The following ACSS2 variants were observed in gnomAD, a reference collection of about 807,000 sequenced individuals.
The protein encoded by ACSS2 is acetyl-coenzyme A synthetase, cytoplasmic.
Under a neutral mutation model 90.6 loss-of-function variants are expected in ACSS2, and 58 were observed. That is an observed-to-expected ratio of 0.64 (90% CI 0.52 to 0.80). The LOEUF (loss-of-function observed/expected upper bound fraction) is 0.80. Among genes scored for constraint, ACSS2 ranks in the 30% least tolerant of loss-of-function variants. The pLI is 0.00. For synonymous variants in ACSS2, 300 were observed against 330.9 expected, an observed-to-expected ratio of 0.91 and a Z score of 1.01; for missense variants, 759 against 912.0, an observed-to-expected ratio of 0.83 and a Z score of 2.16.
At chr20:34,913,944 C>A in intron 5 of ACSS2, 119 bp downstream of exon 5, 1 of 1,361,068 alleles carries the variant, frequency 7.3e-7, no homozygotes. Flanking sequence ...TGCCTTTTCT[C>A]TCCTGGTCCC....
chr20:34,921,824 T>C lies in ACSS2; in HGVS notation c.1506T>C (p.Asn502=). The stretch of plus-strand genomic sequence containing the variant: ...TTGGTGTAGCTCCTGCAATCCTGAA[T>C]GAGTCCGGGGAAGAGTTGGAAGGTG... The part of the protein sequence containing the change: ...PFFGVAPAIL[N]ESGEELEGEA... Residue 502 remains asparagine, a synonymous_variant, in exon 13 of 18, where the codon AAT becomes AAC. Coordinates refer to ENST00000360596, the MANE Select transcript of ACSS2 (RefSeq NM_018677.4). The C allele has an allele frequency of 6.2e-7, 1 of 1,614,144 alleles. No individual in the cohort carries two copies. Among genetic ancestry groups the C allele is most frequent in the South Asian group, 1.1e-5 (1 of 91,078 alleles).
intron 11 of ACSS2, 40 bp from the exon 12 acceptor site, chr20:34,921,504 G>A (rs1248291114): frequency 6.2e-7 from 1 of 1,614,056 alleles, no homozygotes; most frequent in Admixed American, 1.7e-5. Flanking sequence ...GGGACAATGT[G>A]GGAAGATTGA....
intron 1 of ACSS2, among the ~76,000 whole-genome samples, chr20:34,878,006 T>C (rs2146954523): frequency 6.6e-6 from 1 of 152,212 alleles, no homozygotes; most frequent in Admixed American, 6.5e-5. Flanking sequence ...CGTTCTAGGC[T>C]CACTATAGCC....
intron 1 of ACSS2, among the ~76,000 whole-genome samples, chr20:34,878,566 A>G (rs967003348): frequency 3.3e-5 from 5 of 152,242 alleles, no homozygotes; most frequent in Middle Eastern, 3.2e-3. Context: ...AAGTAATGCA[A>G]GACAGGATTC....
intron 6 of ACSS2, 71 bp from the exon 7 acceptor site, chr20:34,914,252 G>A: frequency 6.2e-7 from 1 of 1,602,076 alleles, no homozygotes; most frequent in Non-Finnish European, 8.5e-7. Flanking sequence ...ACCCTAAATG[G>A]ACATGGGTGG....
At chr20:34,898,623 G>C (rs1183322788) in intron 2 of ACSS2, among the ~76,000 whole-genome samples, 1 of 152,218 alleles carries the variant, frequency 6.6e-6, no homozygotes, top group African/African-American at 2.4e-5. Flanking sequence ...GTGTCCATTG[G>C]TGCATTCACA....
upstream of ACSS2, chr20:34,876,063 T>C (rs970766481): frequency 1.4e-4 from 22 of 152,936 alleles, no homozygotes; most frequent in African/African-American, 5.3e-4. Context: ...TGGAAGGAAC[T>C]GGTGATAGTC....
At chr20:34,883,013 G>C in intron 2 of ACSS2, 24 bp downstream of exon 2, 1 of 1,563,278 alleles carries the variant, frequency 6.4e-7, no homozygotes, top group South Asian at 1.2e-5. Context: ...TCTTATACTT[G>C]GTGGCAGATA....
At chr20:34,900,556 A>G (rs1260392960) in intron 2 of ACSS2, among the ~76,000 whole-genome samples, 1 of 152,124 alleles carries the variant, frequency 6.6e-6, no homozygotes, top group East Asian at 1.9e-4. Flanking sequence ...GAGAAATTTC[A>G]TAAATAGTCC....
chr20:34,886,849 T>C (rs943058711), intron 2 of ACSS2, among the ~76,000 whole-genome samples: 1 of 152,336 alleles, frequency 6.6e-6, no homozygotes, highest in East Asian at 1.9e-4. Context: ...ATACTTCTTA[T>C]AGAAACACAT....
At chr20:34,881,719 A>C (rs2080075666) in intron 1 of ACSS2, among the ~76,000 whole-genome samples, 1 of 152,138 alleles carries the variant, frequency 6.6e-6, no homozygotes, top group Non-Finnish European at 1.5e-5. Context: ...TTAGATCTTG[A>C]CTTAGTAATT....
intron 9 of ACSS2, 41 bp from the exon 10 acceptor site, chr20:34,920,965 C>A (rs754830494): frequency 1.9e-6 from 3 of 1,612,756 alleles, no homozygotes; most frequent in East Asian, 4.5e-5. Context: ...AATAGAAGGA[C>A]TATTAGGAAA....
chr20:34,895,264 C>G (rs2080435835), intron 2 of ACSS2, among the ~76,000 whole-genome samples: 1 of 151,892 alleles, frequency 6.6e-6, no homozygotes, highest in Non-Finnish European at 1.5e-5. Flanking sequence ...TAGGTTATAC[C>G]TCTTTCAAAA....
intron 12 of ACSS2, 59 bp downstream of exon 12, chr20:34,921,659 T>A (rs370203711): frequency 1.1e-5 from 17 of 1,613,186 alleles, no homozygotes; most frequent in Non-Finnish European, 1.4e-5. Context: ...TTGGGGCACT[T>A]GGCCTAGTTA....
intron 2 of ACSS2, among the ~76,000 whole-genome samples, chr20:34,888,370 TA>T (rs199693367): frequency 1.7e-3 from 262 of 151,276 alleles, no homozygotes; most frequent in African/African-American, 6.1e-3. Context: ...TTGAATAGGA[TA>T]AAAAAAAACA....
rs1159351175 is a variant in ACSS2, at chr20:34,914,104, T to C, written c.652T>C (p.Tyr218His). Reference protein sequence around the residue: ...CSLLITTDAFYRGEKLVNLKE... With the variant: ...CSLLITTDAFHRGEKLVNLKE... ...TCTGTTGCTCCCCAAAGATGCCTTC[T>C]ACAGGGGGGAAAAGCTTGTGAACCT... Residue 218 changes from tyrosine (Y) to histidine (H), a missense_variant, in exon 6 of 18, where the codon TAC (tyrosine) becomes CAC (histidine). Physicochemically the swap from Tyr to His is moderately conservative, Grantham distance 83 (BLOSUM62 2). Coordinates refer to ENST00000360596, the MANE Select transcript of ACSS2 (RefSeq NM_018677.4). 35 of 1,614,056 alleles carry C rather than the reference T, an allele frequency of 2.2e-5. No individual in the cohort carries two copies. The highest frequency in any genetic ancestry group is 3.0e-5 in the Non-Finnish European group (35 of 1,180,018).
At chr20:34,916,103 A>G (rs543134913) in intron 7 of ACSS2, among the ~76,000 whole-genome samples, 20 of 152,352 alleles carry the variant, frequency 1.3e-4, no homozygotes, top group Middle Eastern at 6.8e-3. Flanking sequence ...AATGGTAGAT[A>G]TAAGCCCCTT....
chr20:34,890,527 A>G (rs2080308822), intron 2 of ACSS2, among the ~76,000 whole-genome samples: 2 of 152,136 alleles, frequency 1.3e-5, no homozygotes, highest in Admixed American at 1.3e-4. Context: ...GGGATTAAGT[A>G]AAAGGTTTAT....
rs758118529 is a variant in ACSS2, at chr20:34,927,242, C to T, written c.*28C>T. ...ATGATCCTGACCTTTACCTAGGATT[C>T]CTCCTGCTCCAAACTTTGCCCATCC... On this transcript the variant is annotated 3_prime_UTR_variant, in exon 18 of 18. Coordinates refer to ENST00000360596, the MANE Select transcript of ACSS2 (RefSeq NM_018677.4). This position sits in a 1 kb window ranked among gnomAD's most constrained non-coding sequence, Gnocchi z 4.2. 6.2e-7 allele frequency: 1 copy of T among 1,610,676 alleles called. No individual in the cohort carries two copies. The highest frequency in any genetic ancestry group is 1.1e-5 in the South Asian group (1 of 90,996).
Sources: allele counts gnomAD v4.1 joint callset (sites outside exome capture counted in the v4.1 genomes callset), GRCh38; gene constraint gnomAD v4.1.1; non-coding constraint Gnocchi (gnomAD v3.1); transcripts MANE v1.5; gene names NCBI Gene and HGNC (gene_info 2026-07-23, HGNC 2026-07-21).